DLGAP1: variants seen among roughly 807,000 people sequenced by gnomAD.
DLGAP1 encodes the protein DLG associated protein 1, also known as disks large-associated protein 1.
Under a neutral mutation model 90.8 loss-of-function variants are expected in DLGAP1, and 11 were observed. The ratio of observed to expected loss-of-function variants is 0.12; its 90% CI spans 0.08 to 0.20. DLGAP1 has a LOEUF of 0.20. Among genes scored for constraint, DLGAP1 ranks in the 10% least tolerant of loss-of-function variants. The probability of loss-of-function intolerance (pLI) is 1.00; values close to 1 mark genes in which losing one functional copy is unlikely to be tolerated. For synonymous variants in DLGAP1, 558 were observed against 540.7 expected, an observed-to-expected ratio of 1.03 and a Z score of -0.44; for missense variants, 1,050 against 1,333.8, an observed-to-expected ratio of 0.79 and a Z score of 3.31.
chr18:3,710,516 G>A (rs1384376522), intron 7 of DLGAP1, among the ~76,000 whole-genome samples: 2 of 152,214 alleles, frequency 1.3e-5, no homozygotes, highest in Admixed American at 6.5e-5. Context: ...GTCAAGGACG[G>A]TGTCAATGAC....
At chr18:4,375,526 C>A (rs777349207) in intron 1 of DLGAP1, among the ~76,000 whole-genome samples, 22 of 152,068 alleles carry the variant, frequency 1.4e-4, no homozygotes, top group Admixed American at 2.6e-4. Context: ...AAACTGAGAC[C>A]AACCAACCTG....
chr18:4,019,435 A>C (rs1284997644), intron 2 of DLGAP1, among the ~76,000 whole-genome samples: 1 of 152,122 alleles, frequency 6.6e-6, no homozygotes, highest in Non-Finnish European at 1.5e-5. Context: ...TATACTTACA[A>C]GATATAATTT....
chr18:4,413,519 C>T (rs2082827523), intron 1 of DLGAP1, among the ~76,000 whole-genome samples: 1 of 152,176 alleles, frequency 6.6e-6, no homozygotes, highest in Non-Finnish European at 1.5e-5. Context: ...CCCCTACTCC[C>T]TTACGGGCTA....
Position 4,322,700 on chromosome 18 carries a change from G to A in DLGAP1, c.-267+132306C>T, listed in dbSNP as rs561579491. On this transcript the variant is annotated intron_variant, in intron 1 of 12. Coordinates refer to ENST00000315677, the MANE Select transcript of DLGAP1 (RefSeq NM_004746.4). The stretch of plus-strand genomic sequence containing the variant: ...ATAGAGGCCAGACGTGGTGGCTCAC[G>A]CGTGTAATCCCAGCACTTTGGGAGG... Among the ~76,000 whole-genome samples the A allele has an allele frequency of 8.0e-4, 122 of 152,202 alleles. 3 individuals carry two copies. Among genetic ancestry groups the A allele is most frequent in the African/African-American group, 2.8e-3 (118 of 41,552 alleles).
chr18:4,119,410 A>G (rs527555777), intron 2 of DLGAP1, among the ~76,000 whole-genome samples: 1 of 152,334 alleles, frequency 6.6e-6, no homozygotes, highest in Non-Finnish European at 1.5e-5. Flanking sequence ...AGTATTTTAA[A>G]TAACAGAGCC....
chr18:4,419,001 C>T (rs2082968312), intron 1 of DLGAP1, among the ~76,000 whole-genome samples: 1 of 152,118 alleles, frequency 6.6e-6, no homozygotes, highest in African/African-American at 2.4e-5. Flanking sequence ...AGATACATTA[C>T]ATGCTGAAGA....
intron 7 of DLGAP1, among the ~76,000 whole-genome samples, chr18:3,665,051 G>C (rs765214319): frequency 6.6e-6 from 1 of 152,142 alleles, no homozygotes; most frequent in African/African-American, 2.4e-5. Flanking sequence ...TTTTGTAACC[G>C]CTGGGGAAGA....
intron 1 of DLGAP1, among the ~76,000 whole-genome samples, chr18:4,417,746 A>C (rs757685184): frequency 6.6e-6 from 1 of 152,164 alleles, no homozygotes; most frequent in Non-Finnish European, 1.5e-5. Context: ...AACCCTGGGG[A>C]AGATAGAGAG....
intron 7 of DLGAP1, among the ~76,000 whole-genome samples, chr18:3,646,035 G>A (rs1424178496): frequency 6.6e-6 from 1 of 152,146 alleles, no homozygotes; most frequent in Non-Finnish European, 1.5e-5. Flanking sequence ...GACGGTGGTA[G>A]TTTTCAAACG....
intron 7 of DLGAP1, among the ~76,000 whole-genome samples, chr18:3,718,446 G>A (rs2061838642): frequency 6.6e-6 from 1 of 152,012 alleles, no homozygotes; most frequent in African/African-American, 2.4e-5. Context: ...TTTCTAGGAT[G>A]CGTGGAAGAA....
intron 7 of DLGAP1, among the ~76,000 whole-genome samples, chr18:3,707,319 G>A (rs538410106): frequency 1.3e-5 from 2 of 152,000 alleles, no homozygotes; most frequent in East Asian, 1.9e-4. Flanking sequence ...GACCCTAGAC[G>A]GGGTGCAGTG....
At chr18:3,995,693 A>G (rs2074054969) in intron 3 of DLGAP1, 1 of 151,580 alleles carries the variant, frequency 6.6e-6, no homozygotes, top group Non-Finnish European at 1.5e-5. Flanking sequence ...ACTGCCCCCT[A>G]GTGTTCTCTC....
At chr18:3,620,255 G>A (rs1371157126) in intron 7 of DLGAP1, among the ~76,000 whole-genome samples, 1 of 152,100 alleles carries the variant, frequency 6.6e-6, no homozygotes, top group Non-Finnish European at 1.5e-5. Flanking sequence ...GAGAGGAGCA[G>A]AGGGGTTGAA....
At chr18:4,219,483 T>A (rs1260083582) in intron 1 of DLGAP1, among the ~76,000 whole-genome samples, 7 of 152,120 alleles carry the variant, frequency 4.6e-5, no homozygotes, top group Admixed American at 4.6e-4. Context: ...TAGTTTGATG[T>A]AATCCTATTT....
chr18:4,319,470 C>G (rs2080623558), intron 1 of DLGAP1, among the ~76,000 whole-genome samples: 1 of 152,208 alleles, frequency 6.6e-6, no homozygotes, highest in Middle Eastern at 3.4e-3. Flanking sequence ...ATGAGACAAG[C>G]TCCATTAGGG....
intron 1 of DLGAP1, among the ~76,000 whole-genome samples, chr18:4,387,688 T>G (rs556394965): frequency 6.6e-6 from 1 of 151,916 alleles, no homozygotes; most frequent in African/African-American, 2.4e-5. Context: ...AAGGCACAGG[T>G]TTGGGAGGCT....
rs915294161 is a variant in DLGAP1 at position 4,383,313 on chromosome 18, G to A, written c.-267+71693C>T. Among the ~76,000 whole-genome samples, 2 of 152,108 alleles carry A rather than the reference G, an allele frequency of 1.3e-5. No individual in the cohort carries two copies. Among genetic ancestry groups the A allele is most frequent in the African/African-American group, 4.8e-5 (2 of 41,428 alleles). Reference sequence around the variant, plus strand: ...ACTGTGCAAGCATATTTATTAATGAGTAAAATAATATGTACTTAAACTCAA... The same window carrying A: ...ACTGTGCAAGCATATTTATTAATGAATAAAATAATATGTACTTAAACTCAA... On this transcript the variant is annotated intron_variant, in intron 1 of 12. Coordinates refer to ENST00000315677, the MANE Select transcript of DLGAP1 (RefSeq NM_004746.4). This position sits in a 1 kb window ranked among gnomAD's most constrained non-coding sequence, Gnocchi z 4.0.
chr18:3,679,453 C>T lies in DLGAP1; in HGVS notation c.1591+49682G>A, dbSNP rs552939352. Among the ~76,000 whole-genome samples, 66 of 151,846 alleles carry T rather than the reference C, an allele frequency of 4.3e-4. No individual in the cohort carries two copies. In the South Asian group the frequency reaches 9.6e-3, roughly 22 times the overall value. On this transcript the variant is annotated intron_variant, in intron 7 of 12. Transcript: ENST00000315677. ...TGAATACACTGAACATGTGTAGCCG[C>T]GCCAAGAATGACTAAGTACAGACTA...
intron 1 of DLGAP1, among the ~76,000 whole-genome samples, chr18:4,308,141 T>C (rs1198369030): frequency 1.3e-5 from 2 of 152,224 alleles, no homozygotes; most frequent in Non-Finnish European, 2.9e-5. Context: ...CTGAGGCTTA[T>C]AGGGACTAAG....
Sources: allele counts gnomAD v4.1 joint callset (sites outside exome capture counted in the v4.1 genomes callset), GRCh38; gene constraint gnomAD v4.1.1; non-coding constraint Gnocchi (gnomAD v3.1); transcripts MANE v1.5; gene names NCBI Gene and HGNC (gene_info 2026-07-23, HGNC 2026-07-21).